Variants in RAP1GDS1 observed in about 807,000 individuals in gnomAD.
RAP1GDS1 encodes RAP1, GTP-GDP dissociation stimulator 1.
A neutral mutation model predicts 71.1 loss-of-function variants in RAP1GDS1; 35 were observed. The ratio of observed to expected loss-of-function variants is 0.49; its 90% CI spans 0.38 to 0.65. The LOEUF (loss-of-function observed/expected upper bound fraction) is 0.65, where lower values mean the gene tolerates loss of function less well. RAP1GDS1 is among the 30% of genes least tolerant of loss of function. RAP1GDS1 has a pLI of 0.00. For missense variants in RAP1GDS1, 663 were observed against 706.1 expected (o/e 0.94, Z 0.69); for synonymous variants, 229 against 243.1 (o/e 0.94, Z 0.54).
chr4:98,300,235 A>G (rs1193001603), intron 2 of RAP1GDS1, among the ~76,000 whole-genome samples: 2 of 152,184 alleles, frequency 1.3e-5, no homozygotes, highest in Non-Finnish European at 2.9e-5. Flanking sequence ...AACATTCAGC[A>G]TTGAGGAAAG....
intron 2 of RAP1GDS1, among the ~76,000 whole-genome samples, chr4:98,308,597 A>C (rs1214632347): frequency 1.3e-5 from 2 of 151,986 alleles, no homozygotes; most frequent in African/African-American, 4.8e-5. Context: ...GTTTATAATA[A>C]AATTATTTGT....
chr4:98,407,698 G>A (rs965362091), intron 7 of RAP1GDS1, among the ~76,000 whole-genome samples: 2 of 152,034 alleles, frequency 1.3e-5, no homozygotes, highest in African/African-American at 4.8e-5. Context: ...GAGGGGGTGA[G>A]GGGTAAAAAA....
intron 2 of RAP1GDS1, among the ~76,000 whole-genome samples, chr4:98,313,581 C>T (rs1473955647): frequency 2.0e-5 from 3 of 152,186 alleles, no homozygotes; most frequent in South Asian, 4.1e-4. Flanking sequence ...TGGTAGCTCA[C>T]AGCTGTAATC....
rs1438114515 is a variant in RAP1GDS1, at chr4:98,269,396, C to G, written c.4+7827C>G. Among the ~76,000 whole-genome samples, 3 of 152,108 alleles carry G rather than the reference C, an allele frequency of 2.0e-5. No individual in the cohort carries two copies. In the Middle Eastern group the frequency reaches 0.01, roughly 517 times the overall value. The stretch of plus-strand genomic sequence containing the variant: ...CGCAAGAAAATACTGGAGAGAAGCT[C>G]CATAAGATTGGTGTTGGCAATGATT... On this transcript the variant is annotated intron_variant, in intron 1 of 14. Coordinates refer to ENST00000408927, the MANE Select transcript of RAP1GDS1 (RefSeq NM_001100427.2).
intron 1 of RAP1GDS1, among the ~76,000 whole-genome samples, chr4:98,261,998 T>A (rs965510684): frequency 7.2e-5 from 11 of 152,246 alleles, no homozygotes; most frequent in African/African-American, 2.2e-4. Context: ...TGTAACTTCC[T>A]TCTCTGTCAG....
Position 98,400,909 on chromosome 4 carries a change from A to G in RAP1GDS1, c.638-3568A>G, listed in dbSNP as rs1279851649. Among the ~76,000 whole-genome samples, 8 of 152,328 alleles carry G rather than the reference A, an allele frequency of 5.3e-5. 1 individual carries two copies. The East Asian group carries it at 5.8e-4, about 11-fold the overall frequency. ...ATAGAATCCTATACTCTGTCATACT[A>G]TCAGTTAAGTGTGAGATTATAATAA... On this transcript the variant is annotated intron_variant, in intron 6 of 14. Transcript: ENST00000408927.
intron 12 of RAP1GDS1, among the ~76,000 whole-genome samples, chr4:98,428,059 T>C (rs576412078): frequency 6.6e-6 from 1 of 151,852 alleles, no homozygotes; most frequent in Non-Finnish European, 1.5e-5. Context: ...CCCCAAATAC[T>C]TACAGCCAAC....
At chr4:98,353,665 A>G (rs1167670944) in intron 4 of RAP1GDS1, among the ~76,000 whole-genome samples, 1 of 152,178 alleles carries the variant, frequency 6.6e-6, no homozygotes, top group Non-Finnish European at 1.5e-5. Flanking sequence ...AATGTCAGTA[A>G]TGAATCTGAG....
At chr4:98,273,031 G>T (rs956321190) in intron 1 of RAP1GDS1, among the ~76,000 whole-genome samples, 3 of 152,142 alleles carry the variant, frequency 2.0e-5, no homozygotes, top group African/African-American at 7.2e-5. Flanking sequence ...TCGTGTAGTT[G>T]TAAGAGGATC....
chr4:98,377,009 T>TGGA (rs1268387744), intron 4 of RAP1GDS1, among the ~76,000 whole-genome samples: 1 of 151,968 alleles, frequency 6.6e-6, no homozygotes, highest in African/African-American at 2.4e-5. Flanking sequence ...TAGCTTAGTG[T>TGGA]GGATAAGAAG....
chr4:98,345,261 T>G (rs1324524553), intron 3 of RAP1GDS1, among the ~76,000 whole-genome samples: 1 of 152,196 alleles, frequency 6.6e-6, no homozygotes, highest in African/African-American at 2.4e-5. Context: ...CCAGAGAATA[T>G]GAGGTTGGAA....
chr4:98,281,687 A>T (rs1392138570), intron 1 of RAP1GDS1, among the ~76,000 whole-genome samples: 1 of 152,150 alleles, frequency 6.6e-6, no homozygotes. Context: ...GTCTTCTGCC[A>T]TTTTTGAAAG....
At chr4:98,334,996 T>A (rs556542881) in intron 2 of RAP1GDS1, among the ~76,000 whole-genome samples, 39 of 152,068 alleles carry the variant, frequency 2.6e-4, no homozygotes, top group South Asian at 1.5e-3. Context: ...TTTGTTTTTT[T>A]AAAAAGAGAG....
At position 98,416,864 on chromosome 4, in the gene RAP1GDS1, C is replaced by G; in HGVS notation, c.883C>G (p.Leu295Val). The stretch of plus-strand genomic sequence containing the variant: ...TACTGAGCTCAAAACTGGTTCAGAT[C>G]TCATGGTTTTATTACTTCTTGGAGG... ...DITELKTGSD[L>V]MVLLLLGDES... The change falls in exon 8 of 15, where the codon CTC (leucine) becomes GTC (valine). Residue 295 changes from leucine to valine, a missense_variant. Coordinates refer to ENST00000408927, the MANE Select transcript of RAP1GDS1 (RefSeq NM_001100427.2). 3 of 1,613,546 alleles carry G rather than the reference C, an allele frequency of 1.9e-6. No individual in the cohort carries two copies. Among genetic ancestry groups the G allele is most frequent in the Non-Finnish European group, 2.5e-6 (3 of 1,179,840 alleles).
At chr4:98,263,368 C>T (rs1722293064) in intron 1 of RAP1GDS1, among the ~76,000 whole-genome samples, 1 of 152,084 alleles carries the variant, frequency 6.6e-6, no homozygotes, top group South Asian at 2.1e-4. Context: ...AATCCAATTC[C>T]GTTACAACAC....
intron 4 of RAP1GDS1, among the ~76,000 whole-genome samples, chr4:98,377,739 A>G (rs535931090): frequency 3.2e-4 from 48 of 151,808 alleles, no homozygotes; most frequent in Non-Finnish European, 6.0e-4. Context: ...TTCAGTTCTT[A>G]TATTTGGAAA....
At chr4:98,414,090 A>AGTTCATTG (rs1476933472) in intron 7 of RAP1GDS1, among the ~76,000 whole-genome samples, 1 of 149,744 alleles carries the variant, frequency 6.7e-6, no homozygotes, top group African/African-American at 2.5e-5. Flanking sequence ...AATTTGTTTG[A>AGTTCATTG]GTTCATTGTA....
rs200163656 is a variant in RAP1GDS1 at position 98,308,187 on chromosome 4, GGT to G, written c.112+14679_112+14680del. 7.4e-3 allele frequency among the ~76,000 whole-genome samples: 1,084 copies of G among 146,802 alleles called. 14 individuals are homozygous for G. Among genetic ancestry groups the G allele is most frequent in the African/African-American group, 0.026 (1,037 of 39,934 alleles). ...GTGTGTGTGTGTATGTATGTGTATG[GGT>G]GTGTGTATATGTGTGCGTGTATATA... is the stretch of plus-strand genomic sequence containing the variant. On this transcript the variant is annotated intron_variant, in intron 2 of 14. Coordinates refer to ENST00000408927, the MANE Select transcript of RAP1GDS1 (RefSeq NM_001100427.2).
intron 2 of RAP1GDS1, among the ~76,000 whole-genome samples, chr4:98,296,767 C>T (rs1203034226): frequency 6.6e-6 from 1 of 152,022 alleles, no homozygotes; most frequent in African/African-American, 2.4e-5. Context: ...TATTTTCATC[C>T]CCAAACATTA....
Sources: allele counts gnomAD v4.1 joint callset (sites outside exome capture counted in the v4.1 genomes callset), GRCh38; gene constraint gnomAD v4.1.1; transcripts MANE v1.5; gene names NCBI Gene and HGNC (gene_info 2026-07-23, HGNC 2026-07-21).